SLC30A8: variants seen among roughly 807,000 people sequenced by gnomAD.
The protein encoded by SLC30A8 is solute carrier family 30 member 8.
SLC30A8 carries 27 observed loss-of-function variants against 36.9 expected under a neutral mutation model. The ratio of observed to expected loss-of-function variants is 0.73; its 90% CI spans 0.54 to 1.01. SLC30A8 has a LOEUF of 1.01. Ranked by LOEUF, SLC30A8 falls within the 50% of genes least tolerant of loss-of-function variation. The pLI, the probability that SLC30A8 is intolerant of heterozygous loss-of-function variation, is 0.00. For synonymous variants in SLC30A8, 164 were observed against 172.4 expected, an observed-to-expected ratio of 0.95 and a Z score of 0.38; for missense variants, 439 against 452.0, an observed-to-expected ratio of 0.97 and a Z score of 0.26.
At chr8:117,053,251 A>G (rs1817765866) in intron 2 of SLC30A8, among the ~76,000 whole-genome samples, 1 of 152,068 alleles carries the variant, frequency 6.6e-6, no homozygotes, top group South Asian at 2.1e-4. Flanking sequence ...CTTAGTGTTC[A>G]GTTGTGCTTA....
chr8:117,122,707 T>A (rs1820739573), intron 2 of SLC30A8, among the ~76,000 whole-genome samples: 1 of 151,982 alleles, frequency 6.6e-6, no homozygotes, highest in Non-Finnish European at 1.5e-5. Flanking sequence ...ACACTCAGGC[T>A]CTGGGTGTTT....
chr8:117,012,191 G>GTA (rs1816365422), intron 1 of SLC30A8, among the ~76,000 whole-genome samples: 1 of 151,986 alleles, frequency 6.6e-6, no homozygotes, highest in East Asian at 1.9e-4. Context: ...AATTTGAAGA[G>GTA]TATATACAAA....
intron 2 of SLC30A8, among the ~76,000 whole-genome samples, chr8:117,148,691 AATATTCTAC>A (rs1822018362): frequency 1.3e-5 from 2 of 152,134 alleles, no homozygotes; most frequent in African/African-American, 2.4e-5. Context: ...CGTTTATCCA[AATATTCTAC>A]ATGTCTCATC....
At chr8:117,033,224 G>A (rs894658826) in intron 1 of SLC30A8, among the ~76,000 whole-genome samples, 4 of 152,206 alleles carry the variant, frequency 2.6e-5, no homozygotes, top group African/African-American at 9.6e-5. Flanking sequence ...ATTCAAAGTA[G>A]CCAAAAGGTG....
At chr8:116,997,959 T>A (rs1815876791) in intron 1 of SLC30A8, among the ~76,000 whole-genome samples, 2 of 152,180 alleles carry the variant, frequency 1.3e-5, no homozygotes, top group Admixed American at 1.3e-4. Flanking sequence ...AAAGGAGCTG[T>A]GTATAAAGCA....
intron 1 of SLC30A8, among the ~76,000 whole-genome samples, chr8:117,033,468 A>G (rs1373055131): frequency 6.6e-6 from 1 of 152,244 alleles, no homozygotes; most frequent in African/African-American, 2.4e-5. Context: ...GACAGTAAGG[A>G]TAACAGGAAA....
intron 1 of SLC30A8, among the ~76,000 whole-genome samples, chr8:116,993,274 T>C (rs775793550): frequency 6.6e-6 from 1 of 151,550 alleles, no homozygotes; most frequent in Non-Finnish European, 1.5e-5. Context: ...CCTAAAAAAT[T>C]TTACCCAGGA....
In SLC30A8 at chr8:117,094,456, G is replaced by A. The variant is rs183282346; in HGVS notation, c.-225-40824G>A. Reference sequence around the variant, plus strand: ...TAGAGGGGAGACCCTGGAATGGGCCGCTCCTCTCTGCAGGCAGTGTGTCCT... The same window carrying A: ...TAGAGGGGAGACCCTGGAATGGGCCACTCCTCTCTGCAGGCAGTGTGTCCT... On this transcript the variant is annotated intron_variant, in intron 2 of 10. Transcript: ENST00000427715. 4.6e-5 allele frequency among the ~76,000 whole-genome samples: 7 copies of A among 152,300 alleles called. No homozygotes were observed. In the South Asian group the frequency reaches 8.3e-4, roughly 18 times the overall value.
intron 2 of SLC30A8, among the ~76,000 whole-genome samples, chr8:117,084,034 A>G (rs927139869): frequency 2.6e-5 from 4 of 152,154 alleles, no homozygotes; most frequent in African/African-American, 7.2e-5. Flanking sequence ...TTATATATTC[A>G]GTACTGCCCT....
intron 1 of SLC30A8, among the ~76,000 whole-genome samples, chr8:116,994,767 T>C (rs1815760316): frequency 6.6e-6 from 1 of 152,092 alleles, no homozygotes; most frequent in Non-Finnish European, 1.5e-5. Context: ...ATATTATACC[T>C]CTCCTGTCTT....
intron 2 of SLC30A8, among the ~76,000 whole-genome samples, chr8:117,114,444 C>T (rs1261972965): frequency 6.6e-6 from 1 of 152,038 alleles, no homozygotes; most frequent in East Asian, 1.9e-4. Flanking sequence ...AGCAGAAAAT[C>T]AATCTGGAGA....
intron 3 of SLC30A8, among the ~76,000 whole-genome samples, chr8:117,156,390 C>A (rs1822489341): frequency 6.6e-6 from 1 of 152,082 alleles, no homozygotes; most frequent in Non-Finnish European, 1.5e-5. Context: ...ATAATTCAAC[C>A]CATAATCTAT....
intron 2 of SLC30A8, among the ~76,000 whole-genome samples, chr8:117,076,103 G>T (rs1172861887): frequency 6.6e-6 from 1 of 151,914 alleles, no homozygotes; most frequent in Non-Finnish European, 1.5e-5. Flanking sequence ...AATAATTTCA[G>T]ACTTTAAAAA....
chr8:117,160,403 T>TTGTGTGTGTGTGTGTGTGTGTG (rs71569723), intron 4 of SLC30A8, among the ~76,000 whole-genome samples: 1 of 145,810 alleles, frequency 6.9e-6, no homozygotes, highest in Admixed American at 6.8e-5. Context: ...AATTTTCCAC[T>TTGTGTGTGTGTGTGTGTGTGTG]TGTGTGTGTG....
At chr8:116,969,076 A>G (rs966142189) in intron 1 of SLC30A8, among the ~76,000 whole-genome samples, 2 of 152,124 alleles carry the variant, frequency 1.3e-5, no homozygotes, top group African/African-American at 2.4e-5. Flanking sequence ...CATGAGATGC[A>G]TGGACTTTTG....
intron 1 of SLC30A8, among the ~76,000 whole-genome samples, chr8:116,964,816 C>T (rs777517801): frequency 2.0e-5 from 3 of 152,206 alleles, no homozygotes; most frequent in Admixed American, 6.5e-5. Flanking sequence ...TACCCTGACT[C>T]AGTAAACACT....
At chr8:117,176,707 AAG>A (rs151008820) in exon 8 of SLC30A8, 49 of 152,650 alleles carry the variant, frequency 3.2e-4, no homozygotes, top group African/African-American at 1.2e-3. Context: ...AAAATCAAGA[AAG>A]AGAGAGTTTG....
intron 4 of SLC30A8, 122 bp from the exon 5 acceptor site, chr8:117,161,616 G>C: frequency 1.1e-6 from 1 of 903,032 alleles, no homozygotes; most frequent in Non-Finnish European, 1.7e-6. Flanking sequence ...TCTTTTTAAA[G>C]CATAAATATT....
chr8:117,087,353 C>G (rs1370088956), intron 2 of SLC30A8, among the ~76,000 whole-genome samples: 1 of 152,132 alleles, frequency 6.6e-6, no homozygotes. Context: ...AACCGATGAC[C>G]ACAAAAATGT....
Sources: gnomAD v4.1 joint callset for allele counts (sites outside exome capture counted in the v4.1 genomes callset) on GRCh38, gnomAD v4.1.1 for gene constraint, MANE v1.5 for transcripts, NCBI Gene and HGNC (gene_info 2026-07-23, HGNC 2026-07-21) for gene names.